The following AKAP8L variants were observed in gnomAD, a reference collection of about 807,000 sequenced individuals.
AKAP8L encodes A-kinase anchoring protein 8 like.
In AKAP8L, 34 loss-of-function variants were observed where a neutral mutation model predicts 77.5. That is an observed-to-expected ratio of 0.44 (90% CI 0.33 to 0.58). The LOEUF is 0.58. AKAP8L is among the 20% of genes least tolerant of loss of function. AKAP8L has a pLI of 0.02. For missense variants in AKAP8L, 806 were observed against 887.6 expected (o/e 0.91, Z 1.17); for synonymous variants, 342 against 340.7 (o/e 1.00, Z -0.04).
intron 2 of AKAP8L, among the ~76,000 whole-genome samples, chr19:15,408,649 C>T (rs1322696349): frequency 2.7e-5 from 4 of 150,810 alleles, no homozygotes; most frequent in African/African-American, 4.9e-5. Flanking sequence ...TTTGGGAGGC[C>T]GAGGCGGGAG....
At position 15,397,014 on chromosome 19, in the gene AKAP8L, G is replaced by T; in HGVS notation, c.1536+136C>A. On this transcript the variant is annotated intron_variant, in intron 12 of 13. Transcript: ENST00000397410. This position sits in a 1 kb window ranked among gnomAD's most constrained non-coding sequence, Gnocchi z 4.7. ...GTAGCTGTGCTGCCTGCACTGAGCT[G>T]GAAATGTCCATATCCACCTCCTCCT... 1 of 1,257,946 alleles carries T rather than the reference G, an allele frequency of 7.9e-7. No homozygotes were observed. Among genetic ancestry groups the T allele is most frequent in the Non-Finnish European group, 1.1e-6 (1 of 894,264 alleles). The allele number at this position is 1,257,946 out of a possible 1,614,324, so 77.9% of individuals were successfully genotyped here. A position where few individuals can be genotyped will look rare whatever the true frequency, so the allele number is the denominator to read the frequency against.
chr19:15,395,223 CG>C (rs1967744998), intron 12 of AKAP8L, among the ~76,000 whole-genome samples: 1 of 151,848 alleles, frequency 6.6e-6, no homozygotes, highest in South Asian at 2.1e-4. Flanking sequence ...TTAGTAGAGA[CG>C]GGTTTCACCA....
In AKAP8L at chr19:15,401,326, C is replaced by T; in HGVS notation, c.640G>A (p.Gly214Ser). 1 of 1,613,514 alleles carries T rather than the reference C, an allele frequency of 6.2e-7. No individual in the cohort carries two copies. The highest frequency in any genetic ancestry group is 1.1e-5 in the South Asian group (1 of 91,090). The change falls in exon 5 of 14, where the codon GGT becomes AGT. Residue 214 changes from glycine (G) to serine (S), a missense_variant. Transcript: ENST00000397410. This position sits in a 1 kb window ranked among gnomAD's most constrained non-coding sequence, Gnocchi z 6.2. ...AAGAGGGAGGGCAGCCGAGAGGCAC[C>T]AGACATGCACTGGCCCCGGGCCCCC... ...PMGARGQCMS[G>S]ASRLPSLFSQ... is the part of the protein sequence containing the mutation.
At chr19:15,390,839 G>A (rs1339257653) in intron 12 of AKAP8L, among the ~76,000 whole-genome samples, 1 of 152,158 alleles carries the variant, frequency 6.6e-6, no homozygotes, top group Non-Finnish European at 1.5e-5. Context: ...CTCAACAGAG[G>A]CAGAAAAAGC....
At chr19:15,393,266 G>A (rs974848744) in intron 12 of AKAP8L, among the ~76,000 whole-genome samples, 35 of 152,178 alleles carry the variant, frequency 2.3e-4, no homozygotes, top group Admixed American at 1.5e-3. Flanking sequence ...GTAAATCTTC[G>A]TGACCTTGGA....
At chr19:15,396,795 A>G (rs1967786161) in intron 12 of AKAP8L, among the ~76,000 whole-genome samples, 1 of 152,172 alleles carries the variant, frequency 6.6e-6, no homozygotes, top group Non-Finnish European at 1.5e-5. Context: ...TACAGGAACA[A>G]GCCCAGGCCT....
chr19:15,394,060 C>T (rs1376762071), intron 12 of AKAP8L, among the ~76,000 whole-genome samples: 1 of 152,120 alleles, frequency 6.6e-6, no homozygotes, highest in Non-Finnish European at 1.5e-5. Flanking sequence ...CAAGACATTC[C>T]AGTCCTAGTC....
At chr19:15,409,470 T>C (rs1968066892) in intron 2 of AKAP8L, among the ~76,000 whole-genome samples, 1 of 152,216 alleles carries the variant, frequency 6.6e-6, no homozygotes, top group Admixed American at 6.5e-5. Flanking sequence ...CTGCTGTTAC[T>C]TGGGGAGCTT....
At chr19:15,417,134 T>A (rs556989468) in intron 1 of AKAP8L, among the ~76,000 whole-genome samples, 7 of 152,120 alleles carry the variant, frequency 4.6e-5, no homozygotes, top group Non-Finnish European at 1.5e-5. Flanking sequence ...GTTTGGTCAT[T>A]AGTGACCTTG....
chr19:15,407,549 T>C (rs1968025085), intron 2 of AKAP8L, among the ~76,000 whole-genome samples: 1 of 152,336 alleles, frequency 6.6e-6, no homozygotes. Flanking sequence ...GGTCAATCTG[T>C]AAGTCAAATT....
intron 12 of AKAP8L, among the ~76,000 whole-genome samples, chr19:15,388,614 C>T (rs1272630330): frequency 6.6e-6 from 1 of 152,092 alleles, no homozygotes; most frequent in Non-Finnish European, 1.5e-5. Context: ...CAGATTTGAA[C>T]TTAAGAATTA....
intron 2 of AKAP8L, among the ~76,000 whole-genome samples, chr19:15,404,662 C>T (rs910255899): frequency 1.3e-5 from 2 of 152,204 alleles, no homozygotes; most frequent in Non-Finnish European, 2.9e-5. Context: ...ACAGTTCCTC[C>T]CCAAAGGAGG....
rs1456227447 is a variant in AKAP8L at position 15,400,988 on chromosome 19, G to GC, written c.871dup (p.Ala291GlyfsTer15). ...GTTGTCCGAGCAGTCCGTGCGGGTG[G>GC]CTTTGCTATCTGGCTCATCAGGACT... On this transcript the variant is annotated frameshift_variant, in exon 6 of 14. Transcript: ENST00000397410. LOFTEE classifies it high-confidence loss of function. 1 of 1,613,846 alleles carries GC rather than the reference G, an allele frequency of 6.2e-7. No homozygotes were observed. Among genetic ancestry groups the GC allele is most frequent in the Non-Finnish European group, 8.5e-7 (1 of 1,179,892 alleles).
At chr19:15,404,509 C>T (rs1256358799) in intron 2 of AKAP8L, among the ~76,000 whole-genome samples, 1 of 152,222 alleles carries the variant, frequency 6.6e-6, no homozygotes, top group Admixed American at 6.5e-5. Flanking sequence ...TTGAGAAAAG[C>T]TGTGGAGAGA....
chr19:15,384,093 G>A (rs1057330884), intron 12 of AKAP8L, among the ~76,000 whole-genome samples: 4 of 150,958 alleles, frequency 2.6e-5, no homozygotes, highest in South Asian at 2.1e-4. Flanking sequence ...CACCCCACCC[G>A]GCTAATTTTT....
intron 12 of AKAP8L, among the ~76,000 whole-genome samples, chr19:15,396,190 T>C (rs780648217): frequency 6.6e-6 from 1 of 151,986 alleles, no homozygotes; most frequent in Admixed American, 6.6e-5. Flanking sequence ...GTGATGAGCA[T>C]GGAAGAAGAT....
Position 15,403,472 on chromosome 19 carries a change from C to G in AKAP8L, c.362+3G>C, listed in dbSNP as rs765149471. On this transcript the variant is annotated splice_donor_region_variant and intron_variant, in intron 4 of 13. Coordinates refer to ENST00000397410, the MANE Select transcript of AKAP8L (RefSeq NM_014371.4). This position sits in a 1 kb window ranked among gnomAD's most constrained non-coding sequence, Gnocchi z 4.3. The stretch of plus-strand genomic sequence containing the variant: ...CTCAACCCCTAGGCAGGTGTCCACT[C>G]ACCTTTCTCCACCTGAGCCGTACAC... The G allele has an allele frequency of 6.2e-7, 1 of 1,613,796 alleles. No individual in the cohort carries two copies. Among genetic ancestry groups the G allele is most frequent in the Non-Finnish European group, 8.5e-7 (1 of 1,179,832 alleles).
intron 1 of AKAP8L, among the ~76,000 whole-genome samples, chr19:15,412,596 C>T (rs1193593548): frequency 6.6e-6 from 1 of 152,138 alleles, no homozygotes; most frequent in Admixed American, 6.5e-5. Flanking sequence ...GGTTGGAGTG[C>T]AGTGGCACGA....
At position 15,397,061 on chromosome 19, in the gene AKAP8L, G is replaced by C; in HGVS notation, c.1536+89C>G. 6.4e-7 allele frequency: 1 copy of C among 1,564,014 alleles called. No individual in the cohort carries two copies. Among genetic ancestry groups the C allele is most frequent in the Non-Finnish European group, 8.7e-7 (1 of 1,146,576 alleles). ...TCCTGCCTCCACTGCAGTCCCTCAC[G>C]GGCTGGCAGAGGTTCCAACTGCACA... On this transcript the variant is annotated intron_variant, in intron 12 of 13. Coordinates refer to ENST00000397410, the MANE Select transcript of AKAP8L (RefSeq NM_014371.4). The surrounding 1 kb of genome is among the most constrained non-coding windows in gnomAD (Gnocchi z 4.7).
Sources: gnomAD v4.1 joint callset for allele counts (sites outside exome capture counted in the v4.1 genomes callset) on GRCh38, gnomAD v4.1.1 for gene constraint, Gnocchi (gnomAD v3.1) non-coding constraint, MANE v1.5 for transcripts, NCBI Gene and HGNC (gene_info 2026-07-23, HGNC 2026-07-21) for gene names.